SENP7: variants seen among roughly 807,000 people sequenced by gnomAD.
The protein encoded by SENP7 is sentrin-specific protease 7.
A neutral mutation model predicts 141.2 loss-of-function variants in SENP7; 64 were observed. The ratio of observed to expected loss-of-function variants is 0.45; its 90% CI spans 0.37 to 0.56. The LOEUF (loss-of-function observed/expected upper bound fraction) is 0.56. SENP7 is among the 20% of genes least tolerant of loss of function. The probability of loss-of-function intolerance (pLI) is 0.00; values close to 1 mark genes in which losing one functional copy is unlikely to be tolerated. For synonymous variants in SENP7, 382 were observed against 426.4 expected (o/e 0.90, Z 1.28); for missense variants, 1,025 against 1,212.2 (o/e 0.85, Z 2.29).
At chr3:101,484,598 G>A (rs72944117) in intron 3 of SENP7, among the ~76,000 whole-genome samples, 1,671 of 152,210 alleles carry the variant, frequency 0.011, 22 homozygotes, top group African/African-American at 0.036. Flanking sequence ...TCCCTCTCCC[G>A]AACACGTGCC....
chr3:101,458,737 G>A (rs1053376555), intron 4 of SENP7: 11 of 386,244 alleles, frequency 2.8e-5, no homozygotes, highest in East Asian at 4.2e-5. Flanking sequence ...CATTATCAGC[G>A]AAAGCTTATC....
intron 7 of SENP7, among the ~76,000 whole-genome samples, chr3:101,369,096 C>T (rs2060114196): frequency 1.3e-5 from 2 of 152,132 alleles, no homozygotes; most frequent in African/African-American, 4.8e-5. Context: ...AAACTCATGC[C>T]AATCATTACT....
Position 101,513,207 on chromosome 3 carries a change from G to T in SENP7, c.-77C>A. The T allele has an allele frequency of 4.7e-6, 2 of 429,828 alleles. No individual in the cohort carries two copies. The highest frequency in any genetic ancestry group is 5.2e-5 in the East Asian group (1 of 19,102). 26.6% of individuals were successfully genotyped at this position (429,828 alleles called of 1,614,324 possible). A position where few individuals can be genotyped will look rare whatever the true frequency, so the allele number is the denominator to read the frequency against. On this transcript the variant is annotated 5_prime_UTR_variant, in exon 1 of 24. Coordinates refer to ENST00000394095, the MANE Select transcript of SENP7 (RefSeq NM_020654.5). ...TCCGGCTTGGAGAGGGAGGGGGAGG[G>T]GAAAGGAAAAAAAAAAAAAAAAAAA...
intron 6 of SENP7, among the ~76,000 whole-genome samples, chr3:101,393,161 ACC>A: frequency 6.6e-6 from 1 of 152,180 alleles, no homozygotes; most frequent in East Asian, 1.9e-4. Context: ...ATGAAACTAT[ACC>A]CCTATTTCTC....
At chr3:101,338,488 A>T (rs1406487394) in intron 16 of SENP7, among the ~76,000 whole-genome samples, 1 of 152,210 alleles carries the variant, frequency 6.6e-6, no homozygotes, top group Non-Finnish European at 1.5e-5. Flanking sequence ...CATGATTAGA[A>T]AACTCTGCTA....
chr3:101,342,920 C>T (rs2059364702), intron 14 of SENP7, among the ~76,000 whole-genome samples: 1 of 152,198 alleles, frequency 6.6e-6, no homozygotes, highest in South Asian at 2.1e-4. Context: ...CCTGCCTCGG[C>T]CTCCCAAAGT....
At chr3:101,353,888 T>C (rs970320919) in intron 11 of SENP7, among the ~76,000 whole-genome samples, 1 of 151,968 alleles carries the variant, frequency 6.6e-6, no homozygotes, top group Non-Finnish European at 1.5e-5. Flanking sequence ...GCTTAACACA[T>C]AGTAGGTAGT....
intron 11 of SENP7, among the ~76,000 whole-genome samples, chr3:101,353,466 T>C (rs2059662381): frequency 6.6e-6 from 1 of 151,930 alleles, no homozygotes; most frequent in Non-Finnish European, 1.5e-5. Flanking sequence ...ACTAAGCCAA[T>C]AGGTTACCTC....
intron 7 of SENP7, among the ~76,000 whole-genome samples, chr3:101,368,583 G>A (rs925221656): frequency 2.1e-4 from 25 of 117,978 alleles, no homozygotes; most frequent in African/African-American, 7.5e-4. Context: ...TGTAGGGTGG[G>A]GGGTGGGGGG....
Position 101,513,154 on chromosome 3 carries a change from G to A in SENP7, c.-24C>T. On this transcript the variant is annotated 5_prime_UTR_variant, in exon 1 of 24. Coordinates refer to ENST00000394095, the MANE Select transcript of SENP7 (RefSeq NM_020654.5). Reference sequence around the variant, plus strand: ...ATCTTCTCCCGCTGCTGAAATTTCAGTTGCAGGCGCTGTCACCTCAGGACC... The same window carrying A: ...ATCTTCTCCCGCTGCTGAAATTTCAATTGCAGGCGCTGTCACCTCAGGACC... 1 of 1,437,136 alleles carries A rather than the reference G, an allele frequency of 7.0e-7. No homozygotes were observed. Among genetic ancestry groups the A allele is most frequent in the African/African-American group, 1.5e-5 (1 of 65,078 alleles). 89.0% of individuals were successfully genotyped at this position (1,437,136 alleles called of 1,614,324 possible). A position where few individuals can be genotyped will look rare whatever the true frequency, so the allele number is the denominator to read the frequency against.
At chr3:101,341,955 A>T (rs139877966) in intron 14 of SENP7, among the ~76,000 whole-genome samples, 176 bp from the exon 15 acceptor site, 379 of 152,366 alleles carry the variant, frequency 2.5e-3, no homozygotes, top group African/African-American at 8.9e-3. Flanking sequence ...ATGAAAAGAT[A>T]TTGTATAAAC....
intron 5 of SENP7, among the ~76,000 whole-genome samples, chr3:101,404,657 T>A (rs919241570): frequency 2.0e-5 from 3 of 152,058 alleles, no homozygotes; most frequent in Non-Finnish European, 4.4e-5. Context: ...TGGGAGAAAG[T>A]TTTTGCAATC....
At position 101,343,959 on chromosome 3, in the gene SENP7, A is replaced by C. The variant is rs1416575580; in HGVS notation, c.1838-5T>G. 1 of 1,521,212 alleles carries C rather than the reference A, an allele frequency of 6.6e-7. No individual in the cohort carries two copies. Among genetic ancestry groups the C allele is most frequent in the Non-Finnish European group, 8.9e-7 (1 of 1,125,274 alleles). 94.2% of individuals were successfully genotyped at this position (1,521,212 alleles called of 1,614,324 possible). On this transcript the variant is annotated splice_region_variant and splice_polypyrimidine_tract_variant and intron_variant, in intron 13 of 23. Coordinates refer to ENST00000394095, the MANE Select transcript of SENP7 (RefSeq NM_020654.5). The stretch of plus-strand genomic sequence containing the variant: ...AAATGAATTCACTAGATTTTGCTAC[A>C]AAAGGAAAAAATAATTTGTATCAAT...
At chr3:101,453,480 T>G (rs1435535157) in intron 4 of SENP7, among the ~76,000 whole-genome samples, 1 of 152,046 alleles carries the variant, frequency 6.6e-6, no homozygotes, top group South Asian at 2.1e-4. Context: ...TGTCCAACAA[T>G]GGTAGACTGG....
At chr3:101,455,103 C>T (rs1185635654) in intron 4 of SENP7, among the ~76,000 whole-genome samples, 1 of 152,102 alleles carries the variant, frequency 6.6e-6, no homozygotes, top group Admixed American at 6.6e-5. Flanking sequence ...CAAAGTAATA[C>T]AAACATATGG....
At chr3:101,383,764 A>T (rs2060573813) in intron 6 of SENP7, among the ~76,000 whole-genome samples, 1 of 152,210 alleles carries the variant, frequency 6.6e-6, no homozygotes. Context: ...GTGGGCCTGC[A>T]GGCACCCCTC....
intron 4 of SENP7, among the ~76,000 whole-genome samples, chr3:101,430,148 CT>C (rs1209779982): frequency 5.3e-5 from 8 of 152,086 alleles, no homozygotes; most frequent in African/African-American, 1.9e-4. Flanking sequence ...CTAAAATTTT[CT>C]TTTTTTGTTG....
rs2058859891 is a variant in SENP7, at chr3:101,324,873, A to T, written c.*1070T>A. 1 of 152,090 alleles carries T rather than the reference A, an allele frequency of 6.6e-6. No individual in the cohort carries two copies. Among genetic ancestry groups the T allele is most frequent in the Non-Finnish European group, 1.5e-5 (1 of 67,980 alleles). The allele number at this position is 152,090 out of a possible 1,614,324, so 9.4% of individuals were successfully genotyped here. On this transcript the variant is annotated 3_prime_UTR_variant, in exon 24 of 24. Coordinates refer to ENST00000394095, the MANE Select transcript of SENP7 (RefSeq NM_020654.5). ...GAAGTGTTTAATCATATATAATGCC[A>T]CCATTATCACATGAATTCAGAACTG...
intron 1 of SENP7, among the ~76,000 whole-genome samples, chr3:101,505,322 AC>A (rs1295517691): frequency 6.6e-6 from 1 of 152,230 alleles, no homozygotes; most frequent in Non-Finnish European, 1.5e-5. Context: ...ACAAAGCTGT[AC>A]TTGTAACCCT....
Sources: gnomAD v4.1 joint callset for allele counts (sites outside exome capture counted in the v4.1 genomes callset) on GRCh38, gnomAD v4.1.1 for gene constraint, MANE v1.5 for transcripts, NCBI Gene and HGNC (gene_info 2026-07-23, HGNC 2026-07-21) for gene names.